TM4SF20: variants seen among roughly 807,000 people sequenced by gnomAD.
The protein encoded by TM4SF20 is transmembrane 4 L6 family member 20.
A neutral mutation model predicts 15.1 loss-of-function variants in TM4SF20; 13 were observed. The ratio of observed to expected loss-of-function variants is 0.86; its 90% CI spans 0.56 to 1.36. The LOEUF (loss-of-function observed/expected upper bound fraction) is 1.36. Ranked by LOEUF, TM4SF20 falls within the 40% of genes most tolerant of loss-of-function variation. The pLI, the probability that TM4SF20 is intolerant of heterozygous loss-of-function variation, is 0.00. For synonymous variants in TM4SF20, 92 were observed against 96.6 expected (o/e 0.95, Z 0.28); for missense variants, 282 against 268.4 (o/e 1.05, Z -0.35).
chr2:227,367,318 C>T (rs1181950274), intron 2 of TM4SF20, among the ~76,000 whole-genome samples: 1 of 152,036 alleles, frequency 6.6e-6, no homozygotes, highest in Non-Finnish European at 1.5e-5. Flanking sequence ...GTCATGAGAG[C>T]AGAAGAAGGC....
chr2:227,364,210 A>G (rs1272849048), intron 3 of TM4SF20, among the ~76,000 whole-genome samples, 198 bp from the exon 4 acceptor site: 1 of 152,232 alleles, frequency 6.6e-6, no homozygotes, highest in Non-Finnish European at 1.5e-5. Flanking sequence ...ATAGCCCATC[A>G]TTTAACAAGC....
At chr2:227,367,501 C>T (rs1253427928) in intron 2 of TM4SF20, among the ~76,000 whole-genome samples, 2 of 151,830 alleles carry the variant, frequency 1.3e-5, no homozygotes, top group Non-Finnish European at 2.9e-5. Flanking sequence ...TAGTAAGAGC[C>T]CATCTCTAAA....
intron 2 of TM4SF20, among the ~76,000 whole-genome samples, chr2:227,370,285 A>G (rs1393945928): frequency 1.3e-5 from 2 of 152,170 alleles, no homozygotes; most frequent in Non-Finnish European, 2.9e-5. Context: ...ACACCCGAGT[A>G]TTATGAAATT....
chr2:227,366,616 C>A (rs2076394365), intron 2 of TM4SF20, among the ~76,000 whole-genome samples: 1 of 149,542 alleles, frequency 6.7e-6, no homozygotes, highest in African/African-American at 2.4e-5. Context: ...GTGATCCCAG[C>A]TACTTGGGAG....
At chr2:227,374,875 G>A (rs2076439402) in intron 1 of TM4SF20, among the ~76,000 whole-genome samples, 1 of 149,490 alleles carries the variant, frequency 6.7e-6, no homozygotes, top group African/African-American at 2.5e-5. Flanking sequence ...AGGCTTGCTT[G>A]AACCCAGGAG....
In TM4SF20 at chr2:227,363,759, A is replaced by G; in HGVS notation, c.655T>C (p.Cys219Arg). 1 of 1,614,144 alleles carries G rather than the reference A, an allele frequency of 6.2e-7. No individual in the cohort carries two copies. The highest frequency in any genetic ancestry group is 2.2e-5 in the East Asian group (1 of 44,870). ...QIVIGFLGCLCGVSKRRSQIV is the reference protein window; with the variant it reads ...QIVIGFLGCLRGVSKRRSQIV ...TGACTTCTTCGCTTAGAGACTCCAC[A>G]CAGACAGCCAAGGAAACCGATGACT... The change falls in exon 4 of 4, where the codon TGT (cysteine) becomes CGT (arginine). Residue 219 changes from cysteine (C) to arginine (R), a missense_variant. Cys to Arg is a radical substitution (Grantham distance 180). Coordinates refer to ENST00000304568, the MANE Select transcript of TM4SF20 (RefSeq NM_024795.4).
intron 1 of TM4SF20, among the ~76,000 whole-genome samples, chr2:227,371,698 G>C (rs2076422081): frequency 6.6e-6 from 1 of 152,172 alleles, no homozygotes; most frequent in African/African-American, 2.4e-5. Flanking sequence ...TTGTTTGCCT[G>C]GCAGTTGGGA....
At chr2:227,373,927 C>CAAAAAAAA (rs373068376) in intron 1 of TM4SF20, among the ~76,000 whole-genome samples, 1,311 of 102,910 alleles carry the variant, frequency 0.013, 43 homozygotes, top group African/African-American at 0.031. Context: ...GACTCCGTCT[C>CAAAAAAAA]AAAAAAAAAA....
intron 1 of TM4SF20, among the ~76,000 whole-genome samples, chr2:227,375,785 G>T (rs555065738): frequency 6.6e-6 from 1 of 152,208 alleles, no homozygotes; most frequent in African/African-American, 2.4e-5. Flanking sequence ...CACCGTGCCT[G>T]GCCAGCTTTC....
intron 2 of TM4SF20, 107 bp downstream of exon 2, chr2:227,370,808 G>T: frequency 1.1e-6 from 1 of 875,650 alleles, no homozygotes; most frequent in Non-Finnish European, 1.9e-6. Context: ...CTCTGTCAGT[G>T]GAGCCCCACT....
At chr2:227,376,904 C>A (rs2076453401) in intron 1 of TM4SF20, among the ~76,000 whole-genome samples, 1 of 152,172 alleles carries the variant, frequency 6.6e-6, no homozygotes, top group African/African-American at 2.4e-5. Context: ...AATAAATGCA[C>A]ACATTATTAT....
At chr2:227,380,539 G>A (rs905118787), upstream of TM4SF20, among the ~76,000 whole-genome samples, 2 of 152,126 alleles carry the variant, frequency 1.3e-5, no homozygotes, top group African/African-American at 4.8e-5. Flanking sequence ...GCCCAGAAGC[G>A]ACCCACATCA....
chr2:227,372,686 A>G (rs2076427075), intron 1 of TM4SF20, among the ~76,000 whole-genome samples: 1 of 152,128 alleles, frequency 6.6e-6, no homozygotes, highest in African/African-American at 2.4e-5. Context: ...TTTGGGGTGC[A>G]GAGCCCACAT....
rs181947366 is a variant in TM4SF20, at chr2:227,370,218, G to T, written c.249+697C>A. On this transcript the variant is annotated intron_variant, in intron 2 of 3. Transcript: ENST00000304568. ...AATCCTAGCAAACCAGTCTGTCATT[G>T]CATGAGAGAACTGAGTACATTTTCC... 2.3e-3 allele frequency among the ~76,000 whole-genome samples: 348 copies of T among 152,290 alleles called. 5 individuals carry two copies. The highest frequency in any genetic ancestry group is 3.2e-4 in the Non-Finnish European group (22 of 68,032).
intron 3 of TM4SF20, among the ~76,000 whole-genome samples, chr2:227,365,296 GAAA>G (rs1323992213): frequency 6.6e-6 from 1 of 152,206 alleles, no homozygotes; most frequent in Non-Finnish European, 1.5e-5. Context: ...GGGAAAAGGA[GAAA>G]AAATTTTTTG....
chr2:227,366,423 T>G (rs986422646), intron 2 of TM4SF20, among the ~76,000 whole-genome samples, 179 bp from the exon 3 acceptor site: 1 of 152,052 alleles, frequency 6.6e-6, no homozygotes, highest in African/African-American at 2.4e-5. Flanking sequence ...GCTATTTGAT[T>G]ACACTCAATA....
intron 3 of TM4SF20, among the ~76,000 whole-genome samples, chr2:227,364,382 T>TTC (rs1575020868): frequency 7.3e-6 from 1 of 137,136 alleles, no homozygotes; most frequent in African/African-American, 3.3e-5. Flanking sequence ...GAGCCTCCCC[T>TTC]ACCCCCCGCC....
chr2:227,373,946 A>AAAAAAAAT, intron 1 of TM4SF20, among the ~76,000 whole-genome samples: 1 of 144,930 alleles, frequency 6.9e-6, no homozygotes, highest in Non-Finnish European at 1.5e-5. Context: ...AAAAAAAAAA[A>AAAAAAAAT]TATGTGGAAG....
chr2:227,368,335 TTATATATA>T (rs61382561), intron 2 of TM4SF20, among the ~76,000 whole-genome samples: 17 of 122,726 alleles, frequency 1.4e-4, no homozygotes, highest in East Asian at 4.6e-4. Context: ...CATCTATTAT[TTATATATA>T]TATATATATA....
Sources: allele counts gnomAD v4.1 joint callset (sites outside exome capture counted in the v4.1 genomes callset), GRCh38; gene constraint gnomAD v4.1.1; transcripts MANE v1.5; gene names NCBI Gene and HGNC (gene_info 2026-07-23, HGNC 2026-07-21).